The following EZH1 variants were observed in gnomAD, a reference collection of about 807,000 sequenced individuals.
EZH1 encodes histone-lysine N-methyltransferase EZH1.
A neutral mutation model predicts 100.5 loss-of-function variants in EZH1; 33 were observed. The observed-to-expected ratio is 0.33, with a 90% CI of 0.25 to 0.44. EZH1 has a LOEUF of 0.44. Among genes scored for constraint, EZH1 ranks in the 20% least tolerant of loss-of-function variants. The pLI is 1.00. For missense variants in EZH1, 475 were observed against 928.4 expected (o/e 0.51, Z 6.35); for synonymous variants, 272 against 313.8 (o/e 0.87, Z 1.41).
intron 6 of EZH1, 83 bp from the exon 7 acceptor site, chr17:42,720,532 C>A: frequency 8.2e-7 from 1 of 1,216,410 alleles, no homozygotes; most frequent in East Asian, 2.5e-5. Flanking sequence ...TGTACTCACT[C>A]CAGAGGCCCA....
chr17:42,727,634 C>T lies in EZH1; in HGVS notation c.246+1G>A. ...GACTGAGCTTAAACTCCCAAAAGTA[C>T]CTTTTTGAGAAAAGGGTGTCCACTC... On this transcript the variant is annotated splice_donor_variant, in intron 4 of 20. Transcript: ENST00000428826. LOFTEE classifies it high-confidence loss of function. The T allele has an allele frequency of 6.2e-7, 1 of 1,606,966 alleles. No individual in the cohort carries two copies. The highest frequency in any genetic ancestry group is 8.5e-7 in the Non-Finnish European group (1 of 1,176,434).
chr17:42,703,955 A>G (rs2053297903), intron 18 of EZH1, 135 bp from the exon 19 acceptor site: 1 of 698,824 alleles, frequency 1.4e-6, no homozygotes, highest in Non-Finnish European at 2.5e-6. Context: ...GTGTGCTAAC[A>G]GGAGCAGAGG....
At chr17:42,705,963 C>T (rs2053345518) in intron 16 of EZH1, 44 bp downstream of exon 16, 3 of 1,536,196 alleles carry the variant, frequency 2.0e-6, no homozygotes, top group Admixed American at 2.0e-5. Context: ...TCCTTCCTTC[C>T]CCCTCCATTT....
chr17:42,720,128 C>G, intron 7 of EZH1, 145 bp downstream of exon 7: 2 of 715,340 alleles, frequency 2.8e-6, no homozygotes, highest in Non-Finnish European at 4.4e-6. Context: ...CTATCTGAAG[C>G]TATCACTTAA....
chr17:42,724,725 G>A, intron 4 of EZH1: 1 of 238,440 alleles, frequency 4.2e-6, no homozygotes, highest in East Asian at 8.5e-5. Flanking sequence ...GGCAGAGGTT[G>A]AGTGAGCCAC....
intron 19 of EZH1, 200 bp downstream of exon 19, chr17:42,703,540 G>A: frequency 1.7e-6 from 1 of 574,750 alleles, no homozygotes; most frequent in African/African-American, 1.9e-5. Context: ...ATGTTTGTGG[G>A]AAAGTGTTTA....
rs2053360398 is a variant in EZH1 at position 42,706,713 on chromosome 17, A to G, written c.1661-528T>C. ...CAAAAAAATTTAAAAAATGAAAAAAAAAGCAGGTATACTAATAAGAAGTGT... is the reference window on the plus strand; with the variant it reads ...CAAAAAAATTTAAAAAATGAAAAAAGAAGCAGGTATACTAATAAGAAGTGT... On this transcript the variant is annotated intron_variant, in intron 15 of 20. Coordinates refer to ENST00000428826, the MANE Select transcript of EZH1 (RefSeq NM_001991.5). The surrounding 1 kb of genome is among the most constrained non-coding windows in gnomAD (Gnocchi z 4.4). 6.6e-6 allele frequency among the ~76,000 whole-genome samples: 1 copy of G among 152,056 alleles called. No individual in the cohort carries two copies. The highest frequency in any genetic ancestry group is 2.1e-4 in the South Asian group (1 of 4,820).
At chr17:42,733,906 A>G (rs1355462260) in intron 1 of EZH1, among the ~76,000 whole-genome samples, 1 of 136,066 alleles carries the variant, frequency 7.3e-6, no homozygotes, top group Non-Finnish European at 1.5e-5. Flanking sequence ...GCATCACTGC[A>G]TTGCTGCCTG....
intron 13 of EZH1, 150 bp downstream of exon 13, chr17:42,709,696 G>A (rs1179470421): frequency 3.1e-6 from 2 of 645,578 alleles, no homozygotes; most frequent in Non-Finnish European, 5.4e-6. Context: ...CACTCAGGAG[G>A]CTGGCTCTCA....
At chr17:42,708,810 G>A in intron 14 of EZH1, 66 bp downstream of exon 14, 4 of 1,539,940 alleles carry the variant, frequency 2.6e-6, no homozygotes, top group South Asian at 1.1e-5. Context: ...TGGAGGTGGG[G>A]TAGGGTGATG....
intron 4 of EZH1, 56 bp downstream of exon 4, chr17:42,727,578 GA>G: frequency 6.4e-7 from 1 of 1,567,534 alleles, no homozygotes; most frequent in Non-Finnish European, 8.6e-7. Flanking sequence ...ACAAATATAG[GA>G]AAAAGCTTTA....
At chr17:42,713,469 T>C (rs1597833699) in intron 10 of EZH1, 80 bp from the exon 11 acceptor site, 3 of 1,310,354 alleles carry the variant, frequency 2.3e-6, no homozygotes. Context: ...CTTTCATCTT[T>C]ACAACATCTG....
intron 1 of EZH1, among the ~76,000 whole-genome samples, chr17:42,740,242 T>C (rs1224927564): frequency 6.7e-6 from 1 of 150,058 alleles, no homozygotes; most frequent in Non-Finnish European, 1.5e-5. Flanking sequence ...GGAGACAAGA[T>C]CTTTTTTTTT....
chr17:42,710,180 G>A (rs1163848331), intron 12 of EZH1, among the ~76,000 whole-genome samples: 1 of 152,222 alleles, frequency 6.6e-6, no homozygotes, highest in African/African-American at 2.4e-5. Context: ...CCCCTGGTCA[G>A]AAGCTGTCAC....
intron 6 of EZH1, 74 bp from the exon 7 acceptor site, chr17:42,720,523 G>A: frequency 7.1e-7 from 1 of 1,401,246 alleles, no homozygotes; most frequent in Non-Finnish European, 9.6e-7. Context: ...AGGTTTTCTT[G>A]TACTCACTCC....
rs570301960 is a variant in EZH1, at chr17:42,711,405, G to A, written c.1401+884C>T. ...GAAGAATCACTTGAACCTGGGAGGCGGAGGCTGCAGTGAGCTGAGATCATG... is the reference window on the plus strand; with the variant it reads ...GAAGAATCACTTGAACCTGGGAGGCAGAGGCTGCAGTGAGCTGAGATCATG... On this transcript the variant is annotated intron_variant, in intron 12 of 20. Coordinates refer to ENST00000428826, the MANE Select transcript of EZH1 (RefSeq NM_001991.5). Among the ~76,000 whole-genome samples the A allele has an allele frequency of 2.0e-4, 30 of 152,210 alleles. No individual in the cohort carries two copies. In the East Asian group the frequency reaches 5.2e-3, roughly 26 times the overall value.
At chr17:42,740,718 A>G (rs1192454903) in intron 1 of EZH1, among the ~76,000 whole-genome samples, 1 of 152,202 alleles carries the variant, frequency 6.6e-6, no homozygotes, top group Non-Finnish European at 1.5e-5. Context: ...CTGGTTCTGT[A>G]CTGTGTCAGC....
intron 14 of EZH1, among the ~76,000 whole-genome samples, chr17:42,708,390 C>T (rs1217841243): frequency 6.6e-6 from 1 of 152,172 alleles, no homozygotes; most frequent in Non-Finnish European, 1.5e-5. Flanking sequence ...CACAGTGGCT[C>T]ACGCCTGTAA....
intron 1 of EZH1, among the ~76,000 whole-genome samples, chr17:42,731,410 C>CACCT (rs1186336757): frequency 5.3e-5 from 8 of 152,060 alleles, no homozygotes; most frequent in Non-Finnish European, 1.2e-4. Flanking sequence ...TGAGCCATTG[C>CACCT]ACCTGCCCAT....
Sources: allele counts gnomAD v4.1 joint callset (sites outside exome capture counted in the v4.1 genomes callset), GRCh38; gene constraint gnomAD v4.1.1; non-coding constraint Gnocchi (gnomAD v3.1); transcripts MANE v1.5; gene names NCBI Gene and HGNC (gene_info 2026-07-23, HGNC 2026-07-21).